The following RIPOR1 variants were observed in gnomAD, a reference collection of about 807,000 sequenced individuals.
RIPOR1 encodes RHO family interacting cell polarization regulator 1, also known as rho family-interacting cell polarization regulator 1.
In RIPOR1, 58 loss-of-function variants were observed where a neutral mutation model predicts 116.5. The ratio of observed to expected loss-of-function variants is 0.50; its 90% CI spans 0.40 to 0.62. The LOEUF (loss-of-function observed/expected upper bound fraction) is 0.62, where lower values mean the gene tolerates loss of function less well. Among genes scored for constraint, RIPOR1 ranks in the 20% least tolerant of loss-of-function variants. The pLI, the probability that RIPOR1 is intolerant of heterozygous loss-of-function variation, is 0.00. For synonymous variants in RIPOR1, 605 were observed against 650.0 expected (o/e 0.93, Z 1.05); for missense variants, 1,372 against 1,586.2 (o/e 0.86, Z 2.29).
Position 67,537,099 on chromosome 16 carries a change from G to A in RIPOR1, c.-23-1325G>A, listed in dbSNP as rs768983781. Among the ~76,000 whole-genome samples, 4 of 152,120 alleles carry A rather than the reference G, an allele frequency of 2.6e-5. No homozygotes were observed. Among genetic ancestry groups the A allele is most frequent in the Non-Finnish European group, 4.4e-5 (3 of 68,026 alleles). Reference sequence around the variant, plus strand: ...CCGGCTAATTTTTGTATTTTTAGTAGAGACGGGGTTTCACCTTGTTGGTCA... The same window carrying A: ...CCGGCTAATTTTTGTATTTTTAGTAAAGACGGGGTTTCACCTTGTTGGTCA... On this transcript the variant is annotated intron_variant, in intron 1 of 21. Coordinates refer to ENST00000042381, the MANE Select transcript of RIPOR1 (RefSeq NM_024519.4). This position sits in a 1 kb window ranked among gnomAD's most constrained non-coding sequence, Gnocchi z 4.6.
In RIPOR1 at chr16:67,537,746, T is replaced by G; in HGVS notation, c.-23-678T>G. Reference sequence around the variant, plus strand: ...GCCGATGCCGGGGTGGAGGCGCACGTCCGTGACTCAGTTTCCAGGTGGGAG... The same window carrying G: ...GCCGATGCCGGGGTGGAGGCGCACGGCCGTGACTCAGTTTCCAGGTGGGAG... On this transcript the variant is annotated intron_variant, in intron 1 of 21. Transcript: ENST00000042381. This position sits in a 1 kb window ranked among gnomAD's most constrained non-coding sequence, Gnocchi z 4.6. The G allele has an allele frequency of 2.1e-6, 1 of 471,420 alleles. No homozygotes were observed. Among genetic ancestry groups the G allele is most frequent in the South Asian group, 7.0e-5 (1 of 14,280 alleles). 29.2% of individuals were successfully genotyped at this position (471,420 alleles called of 1,614,324 possible).
At chr16:67,538,383 G>A (rs1171207050) in intron 1 of RIPOR1, 41 bp from the exon 2 acceptor site, 4 of 1,526,770 alleles carry the variant, frequency 2.6e-6, no homozygotes, top group Non-Finnish European at 2.7e-6. Flanking sequence ...GAGGGCTTCG[G>A]GGATCCGACT....
In RIPOR1 at chr16:67,538,435, C is replaced by T. The variant is rs372202996; in HGVS notation, c.-12C>T. ...CCGATCACCCGCAGGGAGCCCCGCG[C>T]GGACTCACTCTATGATGTCCCTGTC... On this transcript the variant is annotated 5_prime_UTR_variant, in exon 2 of 22. Coordinates refer to ENST00000042381, the MANE Select transcript of RIPOR1 (RefSeq NM_024519.4). 13 of 1,591,412 alleles carry T rather than the reference C, an allele frequency of 8.2e-6. No homozygotes were observed. In the African/African-American group the frequency reaches 9.4e-5, roughly 12 times the overall value.
chr16:67,538,906 C>G, intron 3 of RIPOR1, 82 bp downstream of exon 3: 3 of 1,609,280 alleles, frequency 1.9e-6, no homozygotes, highest in Non-Finnish European at 2.5e-6. Flanking sequence ...TTCTCCAGCC[C>G]CATGCCCTCT....
chr16:67,531,622 A>G lies in RIPOR1; in HGVS notation c.-24+2708A>G. 1 of 454,972 alleles carries G rather than the reference A, an allele frequency of 2.2e-6. No homozygotes were observed. The allele number at this position is 454,972 out of a possible 1,614,324, so 28.2% of individuals were successfully genotyped here. ...GGGGCTGCCGGTCAGATTCTGAAGA[A>G]CCTTGCAGGTATTGAGAGAGGGTCT... On this transcript the variant is annotated intron_variant, in intron 1 of 21. Transcript: ENST00000042381. The surrounding 1 kb of genome is among the most constrained non-coding windows in gnomAD (Gnocchi z 4.2).
Position 67,531,717 on chromosome 16 carries a change from C to A in RIPOR1, c.-24+2803C>A. ...GGTTGAAAGAATGTGAGGGACAGGA[C>A]AAATCCTGAAGGGCCTACGTGGGTC... On this transcript the variant is annotated intron_variant, in intron 1 of 21. Coordinates refer to ENST00000042381, the MANE Select transcript of RIPOR1 (RefSeq NM_024519.4). The surrounding 1 kb of genome is among the most constrained non-coding windows in gnomAD (Gnocchi z 4.2). 2.4e-6 allele frequency: 1 copy of A among 416,470 alleles called. No individual in the cohort carries two copies. Among genetic ancestry groups the A allele is most frequent in the Admixed American group, 2.7e-5 (1 of 36,872 alleles). The allele number at this position is 416,470 out of a possible 1,614,324, so 25.8% of individuals were successfully genotyped here.
Position 67,541,371 on chromosome 16 carries a change from T to A in RIPOR1, c.802-59T>A. The A allele has an allele frequency of 6.4e-7, 1 of 1,553,324 alleles. No homozygotes were observed. Among genetic ancestry groups the A allele is most frequent in the Non-Finnish European group, 8.7e-7 (1 of 1,146,606 alleles). ...TTCTATGCAAATTCAGACCTCAGAT[T>A]TCCCATGATCTCATAGCCCCTGCAC... is the stretch of plus-strand genomic sequence containing the variant. On this transcript the variant is annotated intron_variant, in intron 10 of 21. Transcript: ENST00000042381. The surrounding 1 kb of genome is among the most constrained non-coding windows in gnomAD (Gnocchi z 4.6).
rs748439678 is a variant in RIPOR1, at chr16:67,543,295, C to T, written c.2478+31C>T. On this transcript the variant is annotated intron_variant, in intron 13 of 21. Coordinates refer to ENST00000042381, the MANE Select transcript of RIPOR1 (RefSeq NM_024519.4). The surrounding 1 kb of genome is among the most constrained non-coding windows in gnomAD (Gnocchi z 4.7). ...GAGGGCTGGGCTGGGCTAGGGCAAC[C>T]AGGGAGGGCAGCCAGGGGGCGGCAG... 1 of 1,605,242 alleles carries T rather than the reference C, an allele frequency of 6.2e-7. No individual in the cohort carries two copies. Among genetic ancestry groups the T allele is most frequent in the Middle Eastern group, 1.7e-4 (1 of 6,048 alleles).
In RIPOR1 at chr16:67,540,035, C is replaced by T. The variant is rs749246863; in HGVS notation, c.415-18C>T. 13 of 1,613,962 alleles carry T rather than the reference C, an allele frequency of 8.1e-6. No individual in the cohort carries two copies. The highest frequency in any genetic ancestry group is 1.3e-5 in the African/African-American group (1 of 74,920). On this transcript the variant is annotated intron_variant, in intron 6 of 21. Transcript: ENST00000042381. The surrounding 1 kb of genome is among the most constrained non-coding windows in gnomAD (Gnocchi z 4.7). ...GTGAGTCTCAGTCCCCCTACTGTCA[C>T]CCCACTCACCTTCCCAGATCGATGA...
In RIPOR1 at chr16:67,541,663, A is replaced by G. The variant is rs1241070135; in HGVS notation, c.961A>G (p.Lys321Glu). ...SLEVTWSPFDKDDQPSAASSV... is the reference protein window; with the variant it reads ...SLEVTWSPFDEDDQPSAASSV... ...CTCTTCCCTTCCCAGCCCCTTCGAC[A>G]AGGATGACCAGCCCTCAGCTGCTTC... is the stretch of plus-strand genomic sequence containing the variant. Residue 321 changes from lysine (K) to glutamate (E), a missense_variant, in exon 12 of 22, where the codon AAG becomes GAG. Lys to Glu is a moderately conservative substitution (Grantham distance 56). Coordinates refer to ENST00000042381, the MANE Select transcript of RIPOR1 (RefSeq NM_024519.4). This position sits in a 1 kb window ranked among gnomAD's most constrained non-coding sequence, Gnocchi z 4.6. 2 of 1,613,974 alleles carry G rather than the reference A, an allele frequency of 1.2e-6. No homozygotes were observed. Among genetic ancestry groups the G allele is most frequent in the Admixed American group, 3.3e-5 (2 of 60,004 alleles).
At position 67,538,813 on chromosome 16, in the gene RIPOR1, GC is replaced by G; in HGVS notation, c.247del (p.Arg83GlyfsTer3). The G allele has an allele frequency of 6.2e-7, 1 of 1,613,130 alleles. No individual in the cohort carries two copies. Among genetic ancestry groups the G allele is most frequent in the Non-Finnish European group, 8.5e-7 (1 of 1,179,968 alleles). On this transcript the variant is annotated frameshift_variant, in exon 3 of 22. Transcript: ENST00000042381. LOFTEE classifies it high-confidence loss of function. ...RLDLVYTALK[R>X]GLTAYLEVHQ... ...TGGACCTGGTGTACACGGCGCTGAA[GC>G]GGGGCCTGACGTGAGCAGCTCCTCT...
upstream of RIPOR1, among the ~76,000 whole-genome samples, chr16:67,525,040 A>C (rs1369377229): frequency 6.6e-6 from 1 of 152,246 alleles, no homozygotes; most frequent in Non-Finnish European, 1.5e-5. Context: ...CTGGTTCAGC[A>C]AAAGAGGCTG....
In RIPOR1 at chr16:67,543,868, C is replaced by G; in HGVS notation, c.2600+399C>G. 2.8e-6 allele frequency: 1 copy of G among 357,358 alleles called. No homozygotes were observed. The highest frequency in any genetic ancestry group is 4.1e-5 in the Admixed American group (1 of 24,366). The allele number at this position is 357,358 out of a possible 1,614,324, so 22.1% of individuals were successfully genotyped here. ...ACCCCAGCACTGCCCCACTCCTTCT[C>G]AACCCCGACTCTCCCAGAGGCCCTG... is the stretch of plus-strand genomic sequence containing the variant. On this transcript the variant is annotated intron_variant, in intron 14 of 21. Coordinates refer to ENST00000042381, the MANE Select transcript of RIPOR1 (RefSeq NM_024519.4). This position sits in a 1 kb window ranked among gnomAD's most constrained non-coding sequence, Gnocchi z 4.7.
Position 67,544,304 on chromosome 16 carries a change from C to T in RIPOR1, c.2606C>T (p.Pro869Leu), listed in dbSNP as rs777229648. The T allele has an allele frequency of 1.2e-6, 2 of 1,600,070 alleles. No homozygotes were observed. Among genetic ancestry groups the T allele is most frequent in the Admixed American group, 3.4e-5 (2 of 59,542 alleles). Residue 869 changes from proline (P) to leucine (L), a missense_variant, in exon 15 of 22, where the codon CCA becomes CTA. Pro to Leu is a moderately conservative substitution (Grantham distance 98). Around this residue, in one of 3 missense-constraint regions of RIPOR1, gnomAD observed 1,005 missense variants for 1,144.7 expected, o/e 0.88. Coordinates refer to ENST00000042381, the MANE Select transcript of RIPOR1 (RefSeq NM_024519.4). This position sits in a 1 kb window ranked among gnomAD's most constrained non-coding sequence, Gnocchi z 5.1. ...EDNDVPGDRPPSSPEAGAEDS... is the reference protein window; with the variant it reads ...EDNDVPGDRPLSSPEAGAEDS... The stretch of plus-strand genomic sequence containing the variant: ...GGACCCCATTTTTCCCTCAGGCCTC[C>T]AAGCAGCCCGGAGGCTGGGGCTGAG...
At chr16:67,527,631 C>T (rs375306129), upstream of RIPOR1, among the ~76,000 whole-genome samples, 24 of 152,090 alleles carry the variant, frequency 1.6e-4, no homozygotes, top group African/African-American at 5.3e-4. Flanking sequence ...AATCCCAGCA[C>T]TTTGGGAGGC....
Position 67,543,342 on chromosome 16 carries a change from C to A in RIPOR1, c.2479-6C>A, listed in dbSNP as rs1371298700. ...GCAGCCGCTCTGATGCCCTTCACAACCTCAGCAGAGACAAGGTCTGACTCG... is the reference window on the plus strand; with the variant it reads ...GCAGCCGCTCTGATGCCCTTCACAAACTCAGCAGAGACAAGGTCTGACTCG... On this transcript the variant is annotated splice_polypyrimidine_tract_variant and splice_region_variant and intron_variant, in intron 13 of 21. Coordinates refer to ENST00000042381, the MANE Select transcript of RIPOR1 (RefSeq NM_024519.4). This position sits in a 1 kb window ranked among gnomAD's most constrained non-coding sequence, Gnocchi z 4.7. 1 of 1,608,422 alleles carries A rather than the reference C, an allele frequency of 6.2e-7. No homozygotes were observed. The highest frequency in any genetic ancestry group is 1.3e-5 in the African/African-American group (1 of 74,892).
Position 67,545,218 on chromosome 16 carries a change from G to C in RIPOR1, c.3031+101G>C. ...CACACAGATAAACGAACTGGGCACC[G>C]AGGAGACCAGCAAAGACTTGGGCCT... On this transcript the variant is annotated intron_variant, in intron 17 of 21. Transcript: ENST00000042381. The surrounding 1 kb of genome is among the most constrained non-coding windows in gnomAD (Gnocchi z 4.8). The C allele has an allele frequency of 6.5e-7, 1 of 1,537,160 alleles. No individual in the cohort carries two copies. Among genetic ancestry groups the C allele is most frequent in the Non-Finnish European group, 8.8e-7 (1 of 1,130,800 alleles).
At chr16:67,533,256 G>A (rs748686312) in intron 1 of RIPOR1, among the ~76,000 whole-genome samples, 6 of 152,148 alleles carry the variant, frequency 3.9e-5, no homozygotes, top group African/African-American at 1.2e-4. Context: ...CTATGACAGC[G>A]CACGCTGCAT....
In RIPOR1 at chr16:67,545,400, C is replaced by T; in HGVS notation, c.3056C>T (p.Ala1019Val). The T allele has an allele frequency of 1.2e-6, 2 of 1,613,982 alleles. No homozygotes were observed. Among genetic ancestry groups the T allele is most frequent in the Non-Finnish European group, 1.7e-6 (2 of 1,180,002 alleles). The change falls in exon 18 of 22, where the codon GCC becomes GTC. Residue 1019 changes from alanine (A) to valine (V), a missense_variant. Ala to Val is a moderately conservative substitution (Grantham distance 64). This residue lies in a region of RIPOR1 where 1,005 missense variants were observed against 1,144.7 expected (regional missense o/e 0.88). Coordinates refer to ENST00000042381, the MANE Select transcript of RIPOR1 (RefSeq NM_024519.4). This position sits in a 1 kb window ranked among gnomAD's most constrained non-coding sequence, Gnocchi z 4.8. ...EAVCVKFLED[A>V]LGQKLPRRPQ... The stretch of plus-strand genomic sequence containing the variant: ...GTGTGTGTGAAGTTCCTGGAGGATG[C>T]CCTGGGGCAGAAGCTGCCCAGAAGG...
Sources: allele counts gnomAD v4.1 joint callset (sites outside exome capture counted in the v4.1 genomes callset), GRCh38; gene constraint gnomAD v4.1.1; regional missense constraint gnomAD v4.1.1; non-coding constraint Gnocchi (gnomAD v3.1); transcripts MANE v1.5; gene names NCBI Gene and HGNC (gene_info 2026-07-23, HGNC 2026-07-21).